The following POM121 variants were observed in gnomAD, a reference collection of about 807,000 sequenced individuals.
The protein encoded by POM121 is POM121 transmembrane nucleoporin.
Under a neutral mutation model 81.3 loss-of-function variants are expected in POM121, and 32 were observed. That is an observed-to-expected ratio of 0.39 (90% CI 0.30 to 0.53). The LOEUF is 0.53. Among genes scored for constraint, POM121 ranks in the 20% least tolerant of loss-of-function variants. The pLI, the probability that POM121 is intolerant of heterozygous loss-of-function variation, is 0.66. For synonymous variants in POM121, 514 were observed against 694.2 expected (o/e 0.74, Z 4.08); for missense variants, 1,138 against 1,614.6 (o/e 0.70, Z 5.06).
At position 72,927,651 on chromosome 7, in the gene POM121, A is replaced by G. The variant is rs1364839247; in HGVS notation, c.1022+688A>G. Among the ~76,000 whole-genome samples the G allele has an allele frequency of 7.3e-5, 11 of 151,538 alleles. No homozygotes were observed. The East Asian group carries it at 2.2e-3, about 30-fold the overall frequency. On this transcript the variant is annotated intron_variant, in intron 3 of 12. Transcript: ENST00000434423. ...CTTGAACCCAGGAGGCGGAGGTTGC[A>G]GTGAGCTGAGACTGCCACCATACTC...
At chr7:72,931,901 CATT>C (rs1335839579) in intron 5 of POM121, among the ~76,000 whole-genome samples, 1 of 152,082 alleles carries the variant, frequency 6.6e-6, no homozygotes. Context: ...GTATCAGTGT[CATT>C]GTTAACACTG....
At chr7:72,883,222 A>G (rs1406088945) in intron 1 of POM121, among the ~76,000 whole-genome samples, 1 of 152,076 alleles carries the variant, frequency 6.6e-6, no homozygotes, top group African/African-American at 2.4e-5. Flanking sequence ...TTTGTATTTT[A>G]GTAGAGACTG....
At chr7:72,949,066 C>T, downstream of POM121, 5 of 1,613,424 alleles carry the variant, frequency 3.1e-6, no homozygotes, top group Non-Finnish European at 4.2e-6. Flanking sequence ...GCTAGGTGTC[C>T]CTGCCCCGGG....
chr7:72,882,056 G>A (rs4448149), intron 1 of POM121, among the ~76,000 whole-genome samples: 18,160 of 152,242 alleles, frequency 0.12, 1,196 homozygotes, highest in African/African-American at 0.14. Flanking sequence ...TTTTAAGGCT[G>A]TTGAAATTGA....
chr7:72,927,208 G>C (rs1795544781), intron 3 of POM121, among the ~76,000 whole-genome samples: 1 of 152,136 alleles, frequency 6.6e-6, no homozygotes, highest in Non-Finnish European at 1.5e-5. Flanking sequence ...ACTGCTATTA[G>C]CCACGCTACC....
rs782038959 is a variant in POM121, at chr7:72,943,020, T to C, written c.3027T>C (p.Pro1009=). Residue 1009 remains proline, a synonymous_variant, in exon 11 of 13, where the codon CCT becomes CCC. Coordinates refer to ENST00000434423, the MANE Select transcript of POM121 (RefSeq NM_001387691.1). The part of the protein sequence containing the change: ...NSAAPAAAPT[P]APPSMIKVVP... ...CAGCCCCGGCTGCTGCACCCACACC[T>C]GCACCTCCGTCCATGATCAAGGTCG... 4 of 1,613,716 alleles carry C rather than the reference T, an allele frequency of 2.5e-6. No individual in the cohort carries two copies. In the Admixed American group the frequency reaches 5.0e-5, roughly 20 times the overall value.
chr7:72,899,465 A>G (rs1414708444), intron 3 of POM121, among the ~76,000 whole-genome samples: 1 of 152,126 alleles, frequency 6.6e-6, no homozygotes, highest in Non-Finnish European at 1.5e-5. Context: ...AAGTGGAAAA[A>G]TGTTAACTGC....
At chr7:72,914,886 TC>T (rs1164101210) in intron 4 of POM121, among the ~76,000 whole-genome samples, 1 of 152,100 alleles carries the variant, frequency 6.6e-6, no homozygotes, top group African/African-American at 2.4e-5. Flanking sequence ...CCCAGCTTGA[TC>T]CGTTCCTCTC....
chr7:72,943,483 A>T lies in POM121; in HGVS notation c.3490A>T (p.Asn1164Tyr), dbSNP rs1797342872. Residue 1164 changes from asparagine (N) to tyrosine (Y), a missense_variant, in exon 11 of 13, where the codon AAC becomes TAC. Physicochemically the swap from Asn to Tyr is moderately radical, Grantham distance 143 (BLOSUM62 -2). This residue lies in a region of POM121 where 336 missense variants were observed against 344.3 expected (regional missense o/e 0.98). Transcript: ENST00000434423. Reference protein sequence around the residue: ...TTGQSTPFAFNVSSTTESKPV... With the variant: ...TTGQSTPFAFYVSSTTESKPV... Reference sequence around the variant, plus strand: ...CGGCCAGAGCACACCGTTTGCCTTCAACGTGAGCAGCACAACTGAGAGCAA... The same window carrying T: ...CGGCCAGAGCACACCGTTTGCCTTCTACGTGAGCAGCACAACTGAGAGCAA... The T allele has an allele frequency of 6.2e-7, 1 of 1,612,672 alleles. No individual in the cohort carries two copies. The highest frequency in any genetic ancestry group is 8.5e-7 in the Non-Finnish European group (1 of 1,179,860).
chr7:72,919,204 C>A (rs1473274136), intron 4 of POM121, among the ~76,000 whole-genome samples: 1 of 141,130 alleles, frequency 7.1e-6, no homozygotes, highest in Non-Finnish European at 1.5e-5. Context: ...CCATGCCCAG[C>A]CTTTTTTTTT....
upstream of POM121, chr7:72,924,940 C>T (rs745666128): frequency 5.3e-6 from 6 of 1,123,672 alleles, no homozygotes; most frequent in Non-Finnish European, 7.0e-6. Flanking sequence ...CGGAAAACCT[C>T]AAGAGTCAGA....
intron 4 of POM121, among the ~76,000 whole-genome samples, chr7:72,919,079 T>G (rs563152697): frequency 6.6e-6 from 1 of 152,206 alleles, no homozygotes; most frequent in Non-Finnish European, 1.5e-5. Flanking sequence ...GCTAATTTTT[T>G]ATTTTTAGTA....
chr7:72,882,567 C>A (rs1454827973), intron 1 of POM121, among the ~76,000 whole-genome samples: 1 of 152,158 alleles, frequency 6.6e-6, no homozygotes, highest in African/African-American at 2.4e-5. Context: ...AGCAGAGGGC[C>A]TGCTGCCCAA....
In POM121 at chr7:72,942,953, T is replaced by C. The variant is rs782107069; in HGVS notation, c.2960T>C (p.Leu987Pro). Residue 987 changes from leucine to proline, a missense_variant, in exon 11 of 13, where the codon CTT becomes CCT. By Grantham distance (98) the Leu-to-Pro change is moderately conservative. Transcript: ENST00000434423. ...CCACCGGGGGCCGCCAAGCCGGCCC[T>C]TGCCCCCAGCTTTGGCAGCTCTTTC... ...GQPPGAAKPA[L>P]APSFGSSFTF... The C allele has an allele frequency of 2.5e-6, 4 of 1,606,584 alleles. No homozygotes were observed. Among genetic ancestry groups the C allele is most frequent in the Non-Finnish European group, 3.4e-6 (4 of 1,177,098 alleles).
chr7:72,892,932 T>C (rs1458846582), intron 3 of POM121, among the ~76,000 whole-genome samples: 8 of 151,986 alleles, frequency 5.3e-5, no homozygotes, highest in Non-Finnish European at 8.8e-5. Flanking sequence ...CTCAAAGTGC[T>C]AGGATTACAG....
At position 72,943,047 on chromosome 7, in the gene POM121, G is replaced by T. The variant is rs782382649; in HGVS notation, c.3054G>T (p.Val1018=). The T allele has an allele frequency of 1.9e-6, 3 of 1,613,786 alleles. No homozygotes were observed. The highest frequency in any genetic ancestry group is 1.1e-5 in the South Asian group (1 of 91,084). Residue 1018 remains valine, a synonymous_variant, in exon 11 of 13, where the codon GTG becomes GTT. Transcript: ENST00000434423. ...TPAPPSMIKV[V]PAYVPTPIHP... is the part of the protein sequence containing the mutation. ...CACCTCCGTCCATGATCAAGGTCGT[G>T]CCTGCGTACGTGCCTACGCCCATCC...
In POM121 at chr7:72,945,593, C is replaced by T; in HGVS notation, c.3537C>T (p.Ala1179=). ...TESKPVFGGT[A]TPTFGLNTPA... is the part of the protein sequence containing the mutation. ...CTGTTCTCTTCATTCCAGGCACCGCCACCCCCACCTTTGGTCTGAACACCC... is the reference window on the plus strand; with the variant it reads ...CTGTTCTCTTCATTCCAGGCACCGCTACCCCCACCTTTGGTCTGAACACCC... Residue 1179 remains alanine (A), a synonymous_variant, in exon 12 of 13, where the codon GCC becomes GCT. Coordinates refer to ENST00000434423, the MANE Select transcript of POM121 (RefSeq NM_001387691.1). The T allele has an allele frequency of 3.7e-6, 6 of 1,613,422 alleles. No homozygotes were observed. Among genetic ancestry groups the T allele is most frequent in the Non-Finnish European group, 5.1e-6 (6 of 1,179,712 alleles).
At chr7:72,884,561 GATAGCAAA>G (rs1790514263) in intron 1 of POM121, among the ~76,000 whole-genome samples, 1 of 49,494 alleles carries the variant, frequency 2.0e-5, no homozygotes, top group East Asian at 5.8e-4. Context: ...ATATATATTT[GATAGCAAA>G]TATATACATA....
chr7:72,912,567 G>A (rs1793905489), intron 3 of POM121, among the ~76,000 whole-genome samples: 1 of 152,104 alleles, frequency 6.6e-6, no homozygotes, highest in African/African-American at 2.4e-5. Context: ...ATGAAGTCAG[G>A]AGATCGAGAC....
Sources: allele counts gnomAD v4.1 joint callset (sites outside exome capture counted in the v4.1 genomes callset), GRCh38; gene constraint gnomAD v4.1.1; regional missense constraint gnomAD v4.1.1; transcripts MANE v1.5; gene names NCBI Gene and HGNC (gene_info 2026-07-23, HGNC 2026-07-21).